PITPNC1: variants seen among roughly 807,000 people sequenced by gnomAD.
PITPNC1 encodes the protein phosphatidylinositol transfer protein cytoplasmic 1, also known as cytoplasmic phosphatidylinositol transfer protein 1.
PITPNC1 carries 18 observed loss-of-function variants against 44.7 expected under a neutral mutation model. The ratio of observed to expected loss-of-function variants is 0.40; its 90% CI spans 0.28 to 0.60. PITPNC1 has a LOEUF of 0.60. Ranked by LOEUF, PITPNC1 falls within the 20% of genes least tolerant of loss-of-function variation. The pLI, the probability that PITPNC1 is intolerant of heterozygous loss-of-function variation, is 0.39. For synonymous variants in PITPNC1, 141 were observed against 149.6 expected (o/e 0.94, Z 0.42); for missense variants, 290 against 418.4 (o/e 0.69, Z 2.68).
At chr17:67,653,415 A>G (rs1002905924) in intron 6 of PITPNC1, among the ~76,000 whole-genome samples, 3 of 152,222 alleles carry the variant, frequency 2.0e-5, no homozygotes, top group Non-Finnish European at 4.4e-5. Context: ...AAGGCATGAA[A>G]CAGATTCCTC....
intron 1 of PITPNC1, among the ~76,000 whole-genome samples, chr17:67,514,031 A>AG (rs1179341024): frequency 6.6e-5 from 10 of 151,322 alleles, no homozygotes; most frequent in Non-Finnish European, 1.0e-4. Context: ...AATCCCAGGT[A>AG]GTGGGAGTAT....
intron 2 of PITPNC1, 48 bp downstream of exon 2, chr17:67,532,998 A>G: frequency 6.6e-7 from 1 of 1,517,446 alleles, no homozygotes; most frequent in Non-Finnish European, 9.0e-7. Context: ...CTCCCACCTG[A>G]CCCCATGGTG....
intron 1 of PITPNC1, among the ~76,000 whole-genome samples, chr17:67,443,541 A>T (rs901926383): frequency 2.6e-5 from 4 of 151,810 alleles, no homozygotes; most frequent in African/African-American, 9.7e-5. Context: ...AAATGAATAC[A>T]ATTTGACACA....
chr17:67,483,739 A>C (rs746996515), intron 1 of PITPNC1, among the ~76,000 whole-genome samples: 7 of 152,176 alleles, frequency 4.6e-5, no homozygotes, highest in Non-Finnish European at 8.8e-5. Flanking sequence ...GTAGCCTTCA[A>C]GCCCTGGGGG....
chr17:67,547,168 G>A (rs950874820), intron 2 of PITPNC1, among the ~76,000 whole-genome samples: 2 of 152,184 alleles, frequency 1.3e-5, no homozygotes, highest in Non-Finnish European at 2.9e-5. Flanking sequence ...CAGGTTTTAG[G>A]TACGCTGTTG....
intron 6 of PITPNC1, among the ~76,000 whole-genome samples, chr17:67,660,526 ATTTATTTATTTATTTG>A (rs1343213724): frequency 3.8e-5 from 5 of 131,766 alleles, no homozygotes; most frequent in African/African-American, 9.7e-5. Flanking sequence ...TATTTTATTT[ATTTATTTATTTATTTG>A]TTTATTTATT....
At chr17:67,419,861 G>C (rs1008933227) in intron 1 of PITPNC1, among the ~76,000 whole-genome samples, 1 of 151,944 alleles carries the variant, frequency 6.6e-6, no homozygotes, top group African/African-American at 2.4e-5. Context: ...AGCCGAGACT[G>C]TGCCGCTGCA....
rs79516805 is a variant in PITPNC1 at position 67,491,290 on chromosome 17, C to T, written c.49-41512C>T. Among the ~76,000 whole-genome samples, 746 of 152,312 alleles carry T rather than the reference C, an allele frequency of 4.9e-3. 7 individuals are homozygous for T. The highest frequency in any genetic ancestry group is 0.016 in the African/African-American group (679 of 41,562). On this transcript the variant is annotated intron_variant, in intron 1 of 8. Transcript: ENST00000581322. ...CAGGAACCCGCAGGACACTGAGGAC[C>T]GTGCGTGATGTAACCCAGATCTGCC...
chr17:67,676,301 G>A lies in PITPNC1; in HGVS notation c.682+759G>A, dbSNP rs1293952642. Among the ~76,000 whole-genome samples, 4 of 152,122 alleles carry A rather than the reference G, an allele frequency of 2.6e-5. No individual in the cohort carries two copies. The South Asian group carries it at 6.2e-4, about 24-fold the overall frequency. On this transcript the variant is annotated intron_variant, in intron 8 of 8. Coordinates refer to ENST00000581322, the MANE Select transcript of PITPNC1 (RefSeq NM_012417.4). This position sits in a 1 kb window ranked among gnomAD's most constrained non-coding sequence, Gnocchi z 4.0. ...GGGCAGACAGAGGCATAGGTGCCCC[G>A]TTCATCCTAATTGAAACTATTGTTC...
chr17:67,512,362 G>A (rs903970511), intron 1 of PITPNC1, among the ~76,000 whole-genome samples: 3 of 152,092 alleles, frequency 2.0e-5, no homozygotes, highest in Non-Finnish European at 2.9e-5. Flanking sequence ...TTAGTCAGGC[G>A]TGATGATGGG....
chr17:67,480,322 T>G (rs1041268452), intron 1 of PITPNC1, among the ~76,000 whole-genome samples: 1 of 152,152 alleles, frequency 6.6e-6, no homozygotes, highest in Non-Finnish European at 1.5e-5. Context: ...AGAGGGAACA[T>G]CTTTGTTTGC....
intron 4 of PITPNC1, among the ~76,000 whole-genome samples, chr17:67,575,238 C>T (rs748561394): frequency 1.7e-5 from 2 of 120,168 alleles, no homozygotes; most frequent in Non-Finnish European, 3.6e-5. Context: ...CAGGGCATCC[C>T]CCCACGTTCT....
chr17:67,480,841 T>C (rs776263943), intron 1 of PITPNC1, among the ~76,000 whole-genome samples: 1 of 152,184 alleles, frequency 6.6e-6, no homozygotes, highest in Non-Finnish European at 1.5e-5. Flanking sequence ...ATACCTCTTC[T>C]TGGAACAAAG....
At chr17:67,483,589 G>A (rs1317975172) in intron 1 of PITPNC1, among the ~76,000 whole-genome samples, 3 of 152,184 alleles carry the variant, frequency 2.0e-5, no homozygotes, top group Non-Finnish European at 4.4e-5. Flanking sequence ...GATCGTTGCA[G>A]TGTTTTGGAA....
intron 1 of PITPNC1, among the ~76,000 whole-genome samples, chr17:67,414,870 A>G (rs560024304): frequency 6.6e-6 from 1 of 152,098 alleles, no homozygotes; most frequent in South Asian, 2.1e-4. Flanking sequence ...GTCTTTGCAC[A>G]TTCTCTCTTT....
chr17:67,630,584 A>G (rs1278855472), intron 5 of PITPNC1, among the ~76,000 whole-genome samples: 1 of 152,180 alleles, frequency 6.6e-6, no homozygotes, highest in African/African-American at 2.4e-5. Flanking sequence ...CCACCACTTC[A>G]TTCCAGCCTT....
At chr17:67,614,982 C>T (rs1224443600) in intron 5 of PITPNC1, among the ~76,000 whole-genome samples, 1 of 152,030 alleles carries the variant, frequency 6.6e-6, no homozygotes, top group Non-Finnish European at 1.5e-5. Flanking sequence ...AACAGGCCCA[C>T]CCAGGGGCCT....
chr17:67,429,816 T>G (rs2143892136), intron 1 of PITPNC1, among the ~76,000 whole-genome samples: 1 of 152,384 alleles, frequency 6.6e-6, no homozygotes, highest in Non-Finnish European at 1.5e-5. Context: ...TGTCAAAATA[T>G]CCTTTCTTTT....
chr17:67,609,774 T>TAACC (rs2041663655), intron 5 of PITPNC1, among the ~76,000 whole-genome samples: 2 of 150,104 alleles, frequency 1.3e-5, no homozygotes, highest in Admixed American at 1.3e-4. Context: ...TGGATCTGGT[T>TAACC]AGATCCAATT....
Sources: gnomAD v4.1 joint callset for allele counts (sites outside exome capture counted in the v4.1 genomes callset) on GRCh38, gnomAD v4.1.1 for gene constraint, Gnocchi (gnomAD v3.1) non-coding constraint, MANE v1.5 for transcripts, NCBI Gene and HGNC (gene_info 2026-07-23, HGNC 2026-07-21) for gene names.